The following NALF1 variants were observed in gnomAD, a reference collection of about 807,000 sequenced individuals.
NALF1 encodes the protein family with sequence similarity 155 member A.
NALF1 carries 3 observed loss-of-function variants against 48.4 expected under a neutral mutation model. The observed-to-expected ratio is 0.06, with a 90% CI of 0.03 to 0.16. The LOEUF (loss-of-function observed/expected upper bound fraction) is 0.16. Ranked by LOEUF, NALF1 falls within the 10% of genes least tolerant of loss-of-function variation. The pLI is 1.00. For synonymous variants in NALF1, 262 were observed against 245.7 expected, an observed-to-expected ratio of 1.07 and a Z score of -0.62; for missense variants, 526 against 571.5, an observed-to-expected ratio of 0.92 and a Z score of 0.81.
At chr13:107,603,002 C>A (rs1027612336) in intron 1 of NALF1, among the ~76,000 whole-genome samples, 1 of 152,146 alleles carries the variant, frequency 6.6e-6, no homozygotes, top group Non-Finnish European at 1.5e-5. Context: ...TAGACAGACT[C>A]TCTGGTCTCA....
chr13:107,723,395 T>A (rs961347552), intron 1 of NALF1, among the ~76,000 whole-genome samples: 1 of 152,134 alleles, frequency 6.6e-6, no homozygotes, highest in Non-Finnish European at 1.5e-5. Context: ...CATTTTTTTA[T>A]GTAACTTCAT....
At chr13:107,738,049 G>A (rs1015718529) in intron 1 of NALF1, among the ~76,000 whole-genome samples, 3 of 152,030 alleles carry the variant, frequency 2.0e-5, no homozygotes, top group Non-Finnish European at 4.4e-5. Context: ...TAAAAACACG[G>A]CTCTTTGCAG....
intron 1 of NALF1, among the ~76,000 whole-genome samples, chr13:107,843,793 G>A (rs867359980): frequency 1.4e-4 from 22 of 152,218 alleles, no homozygotes; most frequent in Admixed American, 5.9e-4. Flanking sequence ...AGCCATCTGC[G>A]AATGGAATCA....
chr13:107,331,799 G>T (rs1460467078), intron 1 of NALF1, among the ~76,000 whole-genome samples: 2 of 151,842 alleles, frequency 1.3e-5, no homozygotes, highest in Non-Finnish European at 2.9e-5. Context: ...GACTCAGAAG[G>T]GATCGGACAT....
chr13:107,577,148 C>T (rs1470922141), intron 1 of NALF1, among the ~76,000 whole-genome samples: 1 of 152,128 alleles, frequency 6.6e-6, no homozygotes, highest in Non-Finnish European at 1.5e-5. Flanking sequence ...CATCTTCTAC[C>T]ATTGACATCG....
intron 1 of NALF1, among the ~76,000 whole-genome samples, chr13:107,452,400 G>A (rs978117010): frequency 2.0e-5 from 3 of 152,114 alleles, no homozygotes; most frequent in African/African-American, 7.2e-5. Flanking sequence ...ATAAAGCAAG[G>A]CATCTTCTTC....
intron 1 of NALF1, among the ~76,000 whole-genome samples, chr13:107,706,841 A>C (rs1296085229): frequency 6.6e-6 from 1 of 151,604 alleles, no homozygotes; most frequent in Non-Finnish European, 1.5e-5. Flanking sequence ...CTTCATTCAT[A>C]GTTGAATACA....
intron 1 of NALF1, among the ~76,000 whole-genome samples, chr13:107,767,622 T>C (rs1000643167): frequency 1.3e-5 from 2 of 152,210 alleles, no homozygotes; most frequent in Non-Finnish European, 2.9e-5. Context: ...TGTGCTTTCA[T>C]GGGATAGTAT....
Position 107,696,551 on chromosome 13 carries a change from A to AGTGTGTGTGT in NALF1, c.915+169121_915+169130dup, listed in dbSNP as rs58345595. On this transcript the variant is annotated intron_variant, in intron 1 of 2. Transcript: ENST00000375915. The stretch of plus-strand genomic sequence containing the variant: ...TGAAGTACTTAACATCTCCAAGTTG[A>AGTGTGTGTGT]GTGTGTGTGTGTGTGTGTGTGTGTG... Among the ~76,000 whole-genome samples the AGTGTGTGTGT allele has an allele frequency of 2.6e-4, 38 of 146,924 alleles. 2 individuals carry two copies. Among genetic ancestry groups the AGTGTGTGTGT allele is most frequent in the South Asian group, 1.5e-3 (7 of 4,526 alleles).
intron 1 of NALF1, among the ~76,000 whole-genome samples, chr13:107,566,492 C>T (rs938333877): frequency 6.6e-6 from 1 of 152,224 alleles, no homozygotes; most frequent in African/African-American, 2.4e-5. Flanking sequence ...CGGCTGGATA[C>T]CCTTTCAGAA....
chr13:107,553,959 CAG>C (rs1387959530), intron 1 of NALF1, among the ~76,000 whole-genome samples: 1 of 152,190 alleles, frequency 6.6e-6, no homozygotes, highest in African/African-American at 2.4e-5. Flanking sequence ...CTGACACAGC[CAG>C]AGAGTCATCA....
At chr13:107,243,039 G>T (rs1880507972) in intron 1 of NALF1, among the ~76,000 whole-genome samples, 1 of 151,986 alleles carries the variant, frequency 6.6e-6, no homozygotes, top group African/African-American at 2.4e-5. Flanking sequence ...CACACAGCAG[G>T]AAGCCAGGAT....
intron 1 of NALF1, among the ~76,000 whole-genome samples, chr13:107,338,121 T>G (rs181574654): frequency 7.9e-5 from 12 of 152,324 alleles, no homozygotes; most frequent in African/African-American, 2.4e-4. Context: ...TTAAACTTAA[T>G]GAAACGCAGT....
chr13:107,567,023 G>C lies in NALF1; in HGVS notation c.915+298659C>G, dbSNP rs577217693. Among the ~76,000 whole-genome samples, 20 of 151,864 alleles carry C rather than the reference G, an allele frequency of 1.3e-4. No individual in the cohort carries two copies. The East Asian group carries it at 3.9e-3, about 29-fold the overall frequency. ...CTGATTAAAAGAAAAAATTACAAAG[G>C]CATAAAAATAACAAATATTAAAGAC... On this transcript the variant is annotated intron_variant, in intron 1 of 2. Coordinates refer to ENST00000375915, the MANE Select transcript of NALF1 (RefSeq NM_001080396.3).
intron 1 of NALF1, among the ~76,000 whole-genome samples, chr13:107,865,244 C>T (rs1434106945): frequency 6.6e-6 from 1 of 152,208 alleles, no homozygotes; most frequent in Non-Finnish European, 1.5e-5. Flanking sequence ...ACTATGAGAG[C>T]GTTCCTGTGT....
chr13:107,818,178 G>A (rs1879231463), intron 1 of NALF1, among the ~76,000 whole-genome samples: 1 of 152,102 alleles, frequency 6.6e-6, no homozygotes, highest in South Asian at 2.1e-4. Context: ...TTAATCTTAG[G>A]GGAACATCTT....
chr13:107,188,144 C>T (rs1441006037), intron 2 of NALF1, among the ~76,000 whole-genome samples: 1 of 152,012 alleles, frequency 6.6e-6, no homozygotes, highest in African/African-American at 2.4e-5. Flanking sequence ...TCATGTAAAT[C>T]CAAATTTAGT....
At chr13:107,202,516 T>TTG (rs200300881) in intron 2 of NALF1, among the ~76,000 whole-genome samples, 10 of 151,902 alleles carry the variant, frequency 6.6e-5, no homozygotes, top group East Asian at 1.9e-4. Context: ...ACTAATTTAT[T>TTG]TGTGTGTGTG....
At chr13:107,369,505 C>T (rs975898176) in intron 1 of NALF1, among the ~76,000 whole-genome samples, 1 of 151,902 alleles carries the variant, frequency 6.6e-6, no homozygotes, top group African/African-American at 2.4e-5. Flanking sequence ...CTTTGTTCTC[C>T]TGAAACCTAG....
Sources: allele counts gnomAD v4.1 joint callset (sites outside exome capture counted in the v4.1 genomes callset), GRCh38; gene constraint gnomAD v4.1.1; transcripts MANE v1.5; gene names NCBI Gene and HGNC (gene_info 2026-07-23, HGNC 2026-07-21).